TNRC6C: variants seen among roughly 807,000 people sequenced by gnomAD.
The protein encoded by TNRC6C is trinucleotide repeat-containing gene 6C protein.
Under a neutral mutation model 153.7 loss-of-function variants are expected in TNRC6C, and 20 were observed. That is an observed-to-expected ratio of 0.13 (90% CI 0.09 to 0.19). TNRC6C has a LOEUF of 0.19. TNRC6C is among the 10% of genes least tolerant of loss of function. The probability of loss-of-function intolerance (pLI) is 1.00; values close to 1 mark genes in which losing one functional copy is unlikely to be tolerated. For missense variants in TNRC6C, 1,987 were observed against 2,172.0 expected (o/e 0.91, Z 1.69); for synonymous variants, 811 against 841.4 (o/e 0.96, Z 0.63).
intron 19 of TNRC6C, 61 bp downstream of exon 22, chr17:78,103,614 G>A (rs916633430): frequency 3.5e-5 from 56 of 1,601,352 alleles, no homozygotes; most frequent in Non-Finnish European, 4.2e-5. Flanking sequence ...AGAGCATTAG[G>A]TTAGGGGTGT....
chr17:78,100,462 T>C (rs912807845), intron 17 of TNRC6C, among the ~76,000 whole-genome samples: 1 of 152,234 alleles, frequency 6.6e-6, no homozygotes, highest in Non-Finnish European at 1.5e-5. Context: ...GGCTTGGAGA[T>C]TGCTCCCTCT....
chr17:78,006,828 A>T (rs199824689), intron 1 of TNRC6C, among the ~76,000 whole-genome samples: 6,690 of 143,766 alleles, frequency 0.047, 221 homozygotes, highest in Non-Finnish European at 0.065. Flanking sequence ...TTATTTATTT[A>T]TTTTTTTTTT....
At chr17:78,097,625 T>G (rs1209046870) in intron 16 of TNRC6C, 120 bp from the exon 19 acceptor site, 1 of 633,106 alleles carries the variant, frequency 1.6e-6, no homozygotes, top group Non-Finnish European at 2.6e-6. Context: ...ATGTTCAGGC[T>G]TCTATTAAAA....
intron 3 of TNRC6C, among the ~76,000 whole-genome samples, chr17:78,055,669 T>A (rs1379122988): frequency 6.6e-6 from 1 of 152,230 alleles, no homozygotes; most frequent in East Asian, 1.9e-4. Context: ...AGTCCCAATT[T>A]GAATGCCAAC....
chr17:78,016,193 G>A (rs1290407508), intron 1 of TNRC6C, among the ~76,000 whole-genome samples: 2 of 152,172 alleles, frequency 1.3e-5, no homozygotes, highest in Non-Finnish European at 2.9e-5. Context: ...TGCCACTGCC[G>A]CAGACCAGGG....
intron 3 of TNRC6C, among the ~76,000 whole-genome samples, chr17:78,057,779 T>C (rs1451537583): frequency 1.3e-5 from 2 of 152,220 alleles, no homozygotes; most frequent in African/African-American, 2.4e-5. Flanking sequence ...CACTTAAGGG[T>C]ATTGATCTCT....
At chr17:78,096,184 G>T (rs573970883) in intron 16 of TNRC6C, among the ~76,000 whole-genome samples, 1 of 152,184 alleles carries the variant, frequency 6.6e-6, no homozygotes, top group Non-Finnish European at 1.5e-5. Flanking sequence ...CAGCTCACAC[G>T]TTCCCACTTA....
At chr17:78,108,508 G>T (rs1017873760) in exon 20 of TNRC6C, 1 of 154,870 alleles carries the variant, frequency 6.5e-6, no homozygotes, top group Non-Finnish European at 1.5e-5. Context: ...CCGTGCCTGT[G>T]CGCTGGGAGA....
At chr17:78,096,575 C>T (rs867172575) in intron 16 of TNRC6C, among the ~76,000 whole-genome samples, 1 of 152,244 alleles carries the variant, frequency 6.6e-6, no homozygotes, top group African/African-American at 2.4e-5. Context: ...GTGCCACACA[C>T]CTGGTTATTC....
At chr17:77,957,943 C>T (rs115466428), upstream of TNRC6C, among the ~76,000 whole-genome samples, 1,431 of 152,282 alleles carry the variant, frequency 9.4e-3, 21 homozygotes, top group African/African-American at 0.033. Flanking sequence ...GTCTGTGCTC[C>T]GGGGAAAGGG....
chr17:77,992,787 C>A (rs954135437), intron 1 of TNRC6C, among the ~76,000 whole-genome samples: 3 of 152,132 alleles, frequency 2.0e-5, no homozygotes, highest in Non-Finnish European at 4.4e-5. Context: ...ACTTTTTCTT[C>A]CCTTGTAGAA....
At chr17:78,102,569 C>G in intron 18 of TNRC6C, 25 bp downstream of exon 21, 2 of 1,583,550 alleles carry the variant, frequency 1.3e-6, no homozygotes, top group African/African-American at 1.3e-5. Flanking sequence ...CCCTGCATCA[C>G]TGAGCATGAT....
intron 5 of TNRC6C, among the ~76,000 whole-genome samples, chr17:78,069,873 C>T (rs948280225): frequency 6.6e-6 from 1 of 152,034 alleles, no homozygotes. Flanking sequence ...TGCATGCACA[C>T]GTAGTGTATC....
chr17:78,015,600 G>C (rs1416896022), intron 1 of TNRC6C, among the ~76,000 whole-genome samples: 4 of 152,174 alleles, frequency 2.6e-5, no homozygotes, highest in African/African-American at 9.7e-5. Context: ...ATGTTGTCTA[G>C]GTAGATGGAA....
Position 78,079,336 on chromosome 17 carries a change from C to A in TNRC6C, c.3211-59C>A. On this transcript the variant is annotated intron_variant, in intron 9 of 19. Coordinates refer to ENST00000301624, the Ensembl canonical transcript of TNRC6C. The surrounding 1 kb of genome is among the most constrained non-coding windows in gnomAD (Gnocchi z 4.3). ...TGAAATAGATCATTTCACCCTACCT[C>A]CAAACAATGTTACTCTAATGCCTGC... 2 of 1,591,274 alleles carry A rather than the reference C, an allele frequency of 1.3e-6. No homozygotes were observed. The highest frequency in any genetic ancestry group is 8.6e-7 in the Non-Finnish European group (1 of 1,162,384).
chr17:77,978,934 T>C (rs947581788), intron 1 of TNRC6C, among the ~76,000 whole-genome samples: 4 of 152,112 alleles, frequency 2.6e-5, no homozygotes, highest in African/African-American at 9.7e-5. Context: ...AACTAAATCC[T>C]CTCTAGAGGA....
intron 11 of TNRC6C, 62 bp from the exon 14 acceptor site, chr17:78,086,441 G>T: frequency 7.3e-7 from 1 of 1,367,364 alleles, no homozygotes; most frequent in Non-Finnish European, 1.0e-6. Context: ...TCAGAAAGTT[G>T]AACCATTAGT....
rs1389796362 is a variant in TNRC6C, at chr17:77,992,326, C to T, written c.-37-11844C>T. Among the ~76,000 whole-genome samples, 11 of 74,234 alleles carry T rather than the reference C, an allele frequency of 1.5e-4. 3 individuals are homozygous for T. The highest frequency in any genetic ancestry group is 1.4e-3 in the Admixed American group (11 of 7,726). 48.7% of individuals were successfully genotyped at this position (74,234 alleles called of 152,430 possible). A position where few individuals can be genotyped will look rare whatever the true frequency, so the allele number is the denominator to read the frequency against. On this transcript the variant is annotated intron_variant, in intron 1 of 22. Coordinates refer to the TNRC6C transcript ENST00000636222. ...CATCCTGGCTAACACGGTGAAACCCCGTCTCTACTAAAAATACAAAAATTA... is the reference window on the plus strand; with the variant it reads ...CATCCTGGCTAACACGGTGAAACCCTGTCTCTACTAAAAATACAAAAATTA...
chr17:78,065,070 C>A, intron 4 of TNRC6C, 133 bp downstream of exon 6: 1 of 1,055,392 alleles, frequency 9.5e-7, no homozygotes, highest in Non-Finnish European at 1.4e-6. Flanking sequence ...GAGTCTTGGC[C>A]AAGCACAGTG....
Sources: gnomAD v4.1 joint callset for allele counts (sites outside exome capture counted in the v4.1 genomes callset) on GRCh38, gnomAD v4.1.1 for gene constraint, Gnocchi (gnomAD v3.1) non-coding constraint, MANE v1.5 for transcripts, NCBI Gene and HGNC (gene_info 2026-07-23, HGNC 2026-07-21) for gene names.